The following PHF24 variants were observed in gnomAD, a reference collection of about 807,000 sequenced individuals.
The protein encoded by PHF24 is Galpha inhibitory interacting protein.
PHF24 carries 25 observed loss-of-function variants against 42.6 expected under a neutral mutation model. The ratio of observed to expected loss-of-function variants is 0.59; its 90% CI spans 0.43 to 0.82. The LOEUF is 0.82. Among genes scored for constraint, PHF24 ranks in the 40% least tolerant of loss-of-function variants. The pLI is 0.00. For missense variants in PHF24, 470 were observed against 538.1 expected (o/e 0.87, Z 1.25); for synonymous variants, 185 against 204.8 (o/e 0.90, Z 0.83).
At chr9:34,794,485 C>T in the PHF24 span, among the ~76,000 whole-genome samples, 3 of 152,142 alleles carry the variant, frequency 2.0e-5, no homozygotes, top group South Asian at 6.2e-4. Flanking sequence ...ATACAATCAA[C>T]AGATAATAAT....
chr9:34,802,569 C>T, the PHF24 span, among the ~76,000 whole-genome samples: 1 of 152,194 alleles, frequency 6.6e-6, no homozygotes, highest in East Asian at 1.9e-4. Flanking sequence ...CCTAATCTAA[C>T]CTGAAAAGCA....
At chr9:34,865,196 G>GTT in the PHF24 span, among the ~76,000 whole-genome samples, 101 of 144,008 alleles carry the variant, frequency 7.0e-4, no homozygotes, top group Middle Eastern at 3.6e-3. Flanking sequence ...GTTTTTATTA[G>GTT]TTTTTTTTTT....
the PHF24 span, among the ~76,000 whole-genome samples, chr9:34,852,533 C>A: frequency 1.3e-5 from 2 of 152,184 alleles, no homozygotes; most frequent in Non-Finnish European, 2.9e-5. Flanking sequence ...TAATGGACAG[C>A]TTTGCTGAGC....
At chr9:34,678,327 CTTCCTT>C in the PHF24 span, 1 of 133,708 alleles carries the variant, frequency 7.5e-6, no homozygotes. Context: ...TCCTTCCTTC[CTTCCTT>C]TTTTTTTTTT....
At chr9:34,713,531 G>A in the PHF24 span, among the ~76,000 whole-genome samples, 4 of 151,914 alleles carry the variant, frequency 2.6e-5, no homozygotes, top group East Asian at 1.9e-4. Context: ...GTGTCCAATC[G>A]GGCTCCAGAC....
chr9:34,910,853 C>G, the PHF24 span, among the ~76,000 whole-genome samples: 1 of 151,094 alleles, frequency 6.6e-6, no homozygotes, highest in Admixed American at 6.6e-5. Context: ...GATAGAGTCT[C>G]ATTCTGCCAC....
chr9:34,919,691 T>TACACACACACACACACACACACACAC, the PHF24 span, among the ~76,000 whole-genome samples: 1,327 of 148,242 alleles, frequency 9.0e-3, 14 homozygotes, highest in East Asian at 0.022. Context: ...ACCCAGTAAT[T>TACACACACACACACACACACACACAC]ACACACACAC....
At chr9:34,959,956 CTT>C (rs1414786837) in intron 1 of PHF24, among the ~76,000 whole-genome samples, 1 of 152,234 alleles carries the variant, frequency 6.6e-6, no homozygotes, top group Non-Finnish European at 1.5e-5. Flanking sequence ...ACTCAGGACA[CTT>C]TTGCCCAAGA....
chr9:34,922,243 A>C, the PHF24 span: 1 of 1,592,924 alleles, frequency 6.3e-7, no homozygotes, highest in African/African-American at 1.3e-5. Context: ...GATGTCCACA[A>C]TGTCAAGTTG....
chr9:34,757,742 G>A, the PHF24 span, among the ~76,000 whole-genome samples: 1 of 152,184 alleles, frequency 6.6e-6, no homozygotes, highest in East Asian at 1.9e-4. Flanking sequence ...GTCTCAGTGG[G>A]CTAGGCTGTA....
the PHF24 span, among the ~76,000 whole-genome samples, chr9:34,734,215 G>A: frequency 6.6e-6 from 1 of 152,270 alleles, no homozygotes; most frequent in East Asian, 1.9e-4. Context: ...CTTATTTGGA[G>A]CCGACTCCCC....
At chr9:34,882,321 C>G in the PHF24 span, among the ~76,000 whole-genome samples, 1 of 152,176 alleles carries the variant, frequency 6.6e-6, no homozygotes, top group East Asian at 1.9e-4. Flanking sequence ...GATGCCCTCT[C>G]TCACCACTCC....
At chr9:34,860,565 CTTCT>C in the PHF24 span, among the ~76,000 whole-genome samples, 1 of 151,744 alleles carries the variant, frequency 6.6e-6, no homozygotes, top group East Asian at 1.9e-4. Flanking sequence ...TATATCCTTC[CTTCT>C]ATTTTTTTCT....
chr9:34,783,678 T>C, the PHF24 span, among the ~76,000 whole-genome samples: 2 of 152,246 alleles, frequency 1.3e-5, no homozygotes, highest in African/African-American at 4.8e-5. Context: ...GTTGTTCTGG[T>C]AATATTTAGG....
chr9:34,875,755 C>G, the PHF24 span, among the ~76,000 whole-genome samples: 1 of 151,944 alleles, frequency 6.6e-6, no homozygotes, highest in Non-Finnish European at 1.5e-5. Context: ...TGTGTCGGTT[C>G]CTCTCAGGTG....
At chr9:34,895,288 C>T in the PHF24 span, among the ~76,000 whole-genome samples, 1 of 152,294 alleles carries the variant, frequency 6.6e-6, no homozygotes, top group African/African-American at 2.4e-5. Flanking sequence ...CTTCCATACT[C>T]CATGCCTCCC....
the PHF24 span, among the ~76,000 whole-genome samples, chr9:34,745,018 A>T: frequency 1.3e-5 from 2 of 152,214 alleles, no homozygotes; most frequent in African/African-American, 4.8e-5. Flanking sequence ...TCATTTCCTA[A>T]CTAGAAGGCT....
the PHF24 span, among the ~76,000 whole-genome samples, chr9:34,794,122 C>G: frequency 6.6e-6 from 1 of 152,068 alleles, no homozygotes; most frequent in Non-Finnish European, 1.5e-5. Flanking sequence ...AGTGTACATG[C>G]ATTGATCTGA....
At chr9:34,864,242 T>TTCA in the PHF24 span, among the ~76,000 whole-genome samples, 1 of 152,150 alleles carries the variant, frequency 6.6e-6, no homozygotes, top group Non-Finnish European at 1.5e-5. Flanking sequence ...TTCAAAGGGA[T>TTCA]AATAACAGAG....
Sources: allele counts gnomAD v4.1 joint callset (sites outside exome capture counted in the v4.1 genomes callset), GRCh38; gene constraint gnomAD v4.1.1; transcripts MANE v1.5; gene names NCBI Gene and HGNC (gene_info 2026-07-23, HGNC 2026-07-21).